TOGARAM2: variants seen among roughly 807,000 people sequenced by gnomAD.
TOGARAM2 encodes TOG array regulator of axonemal microtubules protein 2.
TOGARAM2 carries 85 observed loss-of-function variants against 93.3 expected under a neutral mutation model. The ratio of observed to expected loss-of-function variants is 0.91; its 90% CI spans 0.76 to 1.09. TOGARAM2 has a LOEUF of 1.09. Among genes scored for constraint, TOGARAM2 ranks in the 50% least tolerant of loss-of-function variants. The probability of loss-of-function intolerance (pLI) is 0.00; values close to 1 mark genes in which losing one functional copy is unlikely to be tolerated. For synonymous variants in TOGARAM2, 593 were observed against 552.8 expected, an observed-to-expected ratio of 1.07 and a Z score of -1.02; for missense variants, 1,277 against 1,334.5, an observed-to-expected ratio of 0.96 and a Z score of 0.67.
chr2:29,027,078 G>A, intron 14 of TOGARAM2, 67 bp downstream of exon 14: 1 of 1,431,294 alleles, frequency 7.0e-7, no homozygotes, highest in Non-Finnish European at 9.3e-7. Flanking sequence ...GGGGCCTGGG[G>A]CACACAGCTT....
upstream of TOGARAM2, among the ~76,000 whole-genome samples, chr2:28,980,391 C>T (rs1485543637): frequency 6.6e-6 from 1 of 152,252 alleles, no homozygotes; most frequent in African/African-American, 2.4e-5. Flanking sequence ...CTCCCACCAG[C>T]CATCCCTGTG....
At chr2:29,007,213 C>T (rs376640228) in intron 6 of TOGARAM2, among the ~76,000 whole-genome samples, 69 of 152,252 alleles carry the variant, frequency 4.5e-4, no homozygotes, top group African/African-American at 1.5e-3. Flanking sequence ...GGTCAGGCTC[C>T]GGGTTTCCAT....
rs184438116 is a variant in TOGARAM2, at chr2:28,998,165, C to T, written c.51C>T (p.Ala17=). 23 of 1,609,772 alleles carry T rather than the reference C, an allele frequency of 1.4e-5. No individual in the cohort carries two copies. Among genetic ancestry groups the T allele is most frequent in the Admixed American group, 1.0e-4 (6 of 59,490 alleles). Residue 17 remains alanine (A), a synonymous_variant, in exon 3 of 20, where the codon GCC becomes GCT. Coordinates refer to ENST00000379558, the MANE Select transcript of TOGARAM2 (RefSeq NM_199280.4). ...VPEAKVLVPV[A]VYCGSIPRTS... ...CAGCCAAGGTCCTGGTCCCCGTGGC[C>T]GTGTACTGCGGGAGCATCCCTCGGA...
intron 6 of TOGARAM2, among the ~76,000 whole-genome samples, chr2:29,010,409 G>A (rs924243360): frequency 2.6e-5 from 4 of 152,150 alleles, no homozygotes; most frequent in African/African-American, 9.7e-5. Context: ...CTGGCCCTGG[G>A]AGCAATGGCG....
At chr2:28,987,442 A>C (rs1404173369) in intron 1 of TOGARAM2, among the ~76,000 whole-genome samples, 2 of 151,904 alleles carry the variant, frequency 1.3e-5, no homozygotes, top group Non-Finnish European at 2.9e-5. Context: ...GGCATCCACC[A>C]CCACGCCCAG....
Position 29,002,643 on chromosome 2 carries a change from C to G in TOGARAM2, c.535C>G (p.Gln179Glu). Residue 179 changes from glutamine (Q) to glutamate (E), a missense_variant, in exon 5 of 20, where the codon CAG becomes GAG. Coordinates refer to ENST00000379558, the MANE Select transcript of TOGARAM2 (RefSeq NM_199280.4). ...LRVPRPMPLI[Q>E]SIPTTPEASG... is the part of the protein sequence containing the mutation. ...GGTGCCCAGGCCGATGCCTCTCATCCAGAGCATCCCTACCACCCCTGAGGC... is the reference window on the plus strand; with the variant it reads ...GGTGCCCAGGCCGATGCCTCTCATCGAGAGCATCCCTACCACCCCTGAGGC... The G allele has an allele frequency of 6.2e-7, 1 of 1,614,030 alleles. No individual in the cohort carries two copies. The highest frequency in any genetic ancestry group is 8.5e-7 in the Non-Finnish European group (1 of 1,179,884).
At chr2:29,017,733 A>C in intron 9 of TOGARAM2, 59 bp from the exon 10 acceptor site, 1 of 1,469,312 alleles carries the variant, frequency 6.8e-7, no homozygotes, top group Non-Finnish European at 9.1e-7. Context: ...TCAAAGGAGG[A>C]CATTGAGGCC....
chr2:29,040,157 A>G (rs1666345826), intron 18 of TOGARAM2, among the ~76,000 whole-genome samples: 1 of 152,166 alleles, frequency 6.6e-6, no homozygotes, highest in South Asian at 2.1e-4. Flanking sequence ...TATCTCTTCT[A>G]TTTTTGTCTA....
At chr2:29,012,674 G>C (rs1049448107) in intron 7 of TOGARAM2, among the ~76,000 whole-genome samples, 3 of 152,202 alleles carry the variant, frequency 2.0e-5, no homozygotes, top group Non-Finnish European at 4.4e-5. Flanking sequence ...AGGTGAAGAA[G>C]TGACATAAAA....
chr2:29,005,742 T>TGTGC (rs1318770866), intron 6 of TOGARAM2, among the ~76,000 whole-genome samples: 7 of 12,740 alleles, frequency 5.5e-4, no homozygotes, highest in African/African-American at 8.3e-4. Flanking sequence ...TGAGCACATA[T>TGTGC]ATGTGTGTAT....
chr2:29,017,512 T>A (rs963967210), intron 9 of TOGARAM2, among the ~76,000 whole-genome samples: 2 of 152,076 alleles, frequency 1.3e-5, no homozygotes, highest in Non-Finnish European at 2.9e-5. Flanking sequence ...GCTCAAGGGA[T>A]CCTCCCACCT....
intron 10 of TOGARAM2, among the ~76,000 whole-genome samples, chr2:29,021,074 C>T (rs1664914629): frequency 6.6e-6 from 1 of 152,132 alleles, no homozygotes; most frequent in African/African-American, 2.4e-5. Context: ...CCACTATGCC[C>T]AGCTAATTTT....
upstream of TOGARAM2, among the ~76,000 whole-genome samples, chr2:28,980,872 CTG>C (rs1321164012): frequency 6.6e-6 from 1 of 152,188 alleles, no homozygotes; most frequent in African/African-American, 2.4e-5. Flanking sequence ...GATGAGGAAA[CTG>C]AGGTCAAGAA....
In TOGARAM2 at chr2:29,007,846, A is replaced by G. The variant is rs574572419; in HGVS notation, c.831-3609A>G. Among the ~76,000 whole-genome samples the G allele has an allele frequency of 5.3e-5, 8 of 151,904 alleles. No homozygotes were observed. The East Asian group carries it at 9.8e-4, about 19-fold the overall frequency. On this transcript the variant is annotated intron_variant, in intron 6 of 19. Coordinates refer to ENST00000379558, the MANE Select transcript of TOGARAM2 (RefSeq NM_199280.4). ...CCCCTCCAGACCCTGAGGACCTATT[A>G]CCATTTCACTCATCCATCCATCCAT...
intron 10 of TOGARAM2, chr2:29,018,539 A>G (rs1195043566): frequency 2.6e-5 from 4 of 152,150 alleles, no homozygotes; most frequent in African/African-American, 9.7e-5. Context: ...TTGCTACTGA[A>G]AAAAACTTAA....
rs549968032 is a variant in TOGARAM2 at position 29,039,878 on chromosome 2, C to T, written c.2635+3121C>T. On this transcript the variant is annotated intron_variant, in intron 18 of 19. Transcript: ENST00000379558. ...GAAGAAACTTCGCTAATGAAAACATCAGGCTGCTGACAGCTCATCCCCTCC... is the reference window on the plus strand; with the variant it reads ...GAAGAAACTTCGCTAATGAAAACATTAGGCTGCTGACAGCTCATCCCCTCC... Among the ~76,000 whole-genome samples, 8 of 152,326 alleles carry T rather than the reference C, an allele frequency of 5.3e-5. No homozygotes were observed. The East Asian group carries it at 1.5e-3, about 29-fold the overall frequency.
chr2:28,964,484 A>C (rs1286648838), intron 1 of TOGARAM2, among the ~76,000 whole-genome samples: 1 of 128,648 alleles, frequency 7.8e-6, no homozygotes, highest in Non-Finnish European at 1.7e-5. Flanking sequence ...TTTTTTTTTT[A>C]ATTTTAATTT....
At chr2:28,957,313 C>G (rs540527038) in intron 1 of TOGARAM2, among the ~76,000 whole-genome samples, 1 of 151,738 alleles carries the variant, frequency 6.6e-6, no homozygotes, top group Admixed American at 6.6e-5. Flanking sequence ...CTCCTGTAGC[C>G]GGGATTACAG....
chr2:29,014,858 G>A (rs1664462218), intron 8 of TOGARAM2, among the ~76,000 whole-genome samples: 1 of 152,124 alleles, frequency 6.6e-6, no homozygotes, highest in African/African-American at 2.4e-5. Flanking sequence ...CGGGGAGGTT[G>A]CACAGGGCTC....
Sources: allele counts gnomAD v4.1 joint callset (sites outside exome capture counted in the v4.1 genomes callset), GRCh38; gene constraint gnomAD v4.1.1; transcripts MANE v1.5; gene names NCBI Gene and HGNC (gene_info 2026-07-23, HGNC 2026-07-21).